GNAQ: variants seen among roughly 807,000 people sequenced by gnomAD.
GNAQ encodes the protein guanine nucleotide-binding protein G(q) subunit alpha.
Under a neutral mutation model 43.9 loss-of-function variants are expected in GNAQ, and 8 were observed. The observed-to-expected ratio is 0.18, with a 90% confidence interval of 0.11 to 0.33. The LOEUF is 0.33. GNAQ is among the 10% of genes least tolerant of loss of function. The probability of loss-of-function intolerance (pLI) is 1.00; values close to 1 mark genes in which losing one functional copy is unlikely to be tolerated. For missense variants in GNAQ, 158 were observed against 450.8 expected (o/e 0.35, Z 5.88); for synonymous variants, 155 against 170.7 (o/e 0.91, Z 0.71).
chr9:77,727,491 G>A (rs990000005), intron 6 of GNAQ, among the ~76,000 whole-genome samples: 86 of 152,124 alleles, frequency 5.7e-4, no homozygotes, highest in African/African-American at 2.0e-3. Flanking sequence ...CCTTTTCTAA[G>A]AACAAAGCAA....
chr9:77,998,406 T>G (rs879422864), intron 1 of GNAQ, among the ~76,000 whole-genome samples: 1 of 152,238 alleles, frequency 6.6e-6, no homozygotes, highest in Non-Finnish European at 1.5e-5. Context: ...CATTGCCTAA[T>G]GCTGAACAGC....
At chr9:77,879,045 C>CA (rs1374279838) in intron 2 of GNAQ, among the ~76,000 whole-genome samples, 1 of 148,720 alleles carries the variant, frequency 6.7e-6, no homozygotes, top group Non-Finnish European at 1.5e-5. Flanking sequence ...GACTGTGTCT[C>CA]AAAAAAACAA....
At chr9:77,779,146 C>T (rs1433673088) in intron 5 of GNAQ, among the ~76,000 whole-genome samples, 2 of 151,842 alleles carry the variant, frequency 1.3e-5, no homozygotes, top group Non-Finnish European at 2.9e-5. Context: ...ATAACAGTCA[C>T]CAAGACAGAC....
intron 1 of GNAQ, among the ~76,000 whole-genome samples, chr9:78,016,848 C>T (rs10870009): frequency 0.31 from 47,086 of 151,964 alleles, 7,573 homozygotes; most frequent in South Asian, 0.45. Context: ...AAAATGAATA[C>T]TGATTCAATA....
chr9:77,979,440 T>C (rs1223317092), intron 1 of GNAQ, among the ~76,000 whole-genome samples: 1 of 152,126 alleles, frequency 6.6e-6, no homozygotes, highest in Non-Finnish European at 1.5e-5. Context: ...TGGCCAATAT[T>C]TGTGTCCATG....
chr9:77,753,252 C>T (rs1333113444), intron 5 of GNAQ, among the ~76,000 whole-genome samples: 1 of 152,110 alleles, frequency 6.6e-6, no homozygotes, highest in Non-Finnish European at 1.5e-5. Context: ...GTGGTATACT[C>T]ATTCACAAAC....
Position 77,785,074 on chromosome 9 carries a change from C to A in GNAQ, c.735+9389G>T, listed in dbSNP as rs149642780. ...TGAGAAAGGTATGTCTATGCCCTAA[C>A]CCCAGAACTTGTGAATGCAATCTTA... On this transcript the variant is annotated intron_variant, in intron 5 of 6. Coordinates refer to ENST00000286548, the MANE Select transcript of GNAQ (RefSeq NM_002072.5). Among the ~76,000 whole-genome samples the A allele has an allele frequency of 6.0e-3, 920 of 152,276 alleles. 7 individuals carry two copies. The highest frequency in any genetic ancestry group is 0.021 in the African/African-American group (870 of 41,542).
intron 1 of GNAQ, among the ~76,000 whole-genome samples, chr9:77,941,214 C>A (rs960318101): frequency 1.3e-5 from 2 of 151,892 alleles, no homozygotes; most frequent in African/African-American, 4.8e-5. Context: ...ATACAAACAG[C>A]CACAAAGCTT....
intron 3 of GNAQ, among the ~76,000 whole-genome samples, chr9:77,808,477 C>A (rs952859761): frequency 2.0e-5 from 3 of 151,402 alleles, no homozygotes; most frequent in African/African-American, 4.9e-5. Flanking sequence ...TATTGACACT[C>A]TGAAGAAGAG....
intron 5 of GNAQ, among the ~76,000 whole-genome samples, chr9:77,783,764 A>G (rs1342128764): frequency 6.6e-6 from 1 of 152,212 alleles, no homozygotes; most frequent in Non-Finnish European, 1.5e-5. Flanking sequence ...TGACTTTAAA[A>G]AAGAATTATT....
chr9:77,882,955 T>G (rs1404591620), intron 2 of GNAQ, among the ~76,000 whole-genome samples: 3 of 152,198 alleles, frequency 2.0e-5, no homozygotes, highest in African/African-American at 7.2e-5. Flanking sequence ...CAAACACATA[T>G]ATCAAAGCCA....
At chr9:77,907,614 C>CA (rs774833419) in intron 2 of GNAQ, among the ~76,000 whole-genome samples, 4 of 151,930 alleles carry the variant, frequency 2.6e-5, no homozygotes, top group Admixed American at 6.5e-5. Flanking sequence ...TGTGGATTAA[C>CA]AAAAAACATA....
At chr9:78,016,168 CT>C (rs1823835736) in intron 1 of GNAQ, among the ~76,000 whole-genome samples, 1 of 152,098 alleles carries the variant, frequency 6.6e-6, no homozygotes, top group Non-Finnish European at 1.5e-5. Flanking sequence ...TTTTTGTGAC[CT>C]TGGATTTTTC....
chr9:77,906,328 A>C (rs547596170), intron 2 of GNAQ, among the ~76,000 whole-genome samples: 2 of 152,128 alleles, frequency 1.3e-5, no homozygotes, highest in Non-Finnish European at 2.9e-5. Flanking sequence ...GATTGGAAAG[A>C]CCTAAAACAC....
intron 1 of GNAQ, among the ~76,000 whole-genome samples, chr9:77,963,953 T>G (rs545748263): frequency 2.1e-4 from 32 of 152,328 alleles, no homozygotes; most frequent in Admixed American, 3.9e-4. Flanking sequence ...TAAAAAAGAC[T>G]GCCTTGACAT....
chr9:77,849,989 C>T (rs993219517), intron 2 of GNAQ, among the ~76,000 whole-genome samples: 4 of 152,140 alleles, frequency 2.6e-5, no homozygotes, highest in African/African-American at 7.2e-5. Context: ...TCTAAAACTA[C>T]GTTCTTCTGT....
intron 1 of GNAQ, among the ~76,000 whole-genome samples, chr9:77,957,608 A>G (rs1382500976): frequency 6.6e-6 from 1 of 152,130 alleles, no homozygotes; most frequent in African/African-American, 2.4e-5. Flanking sequence ...TCACAGAGGC[A>G]ATGGGATTTC....
intron 2 of GNAQ, 75 bp from the exon 3 acceptor site, chr9:77,815,845 A>G: frequency 1.1e-6 from 1 of 921,212 alleles, no homozygotes; most frequent in Non-Finnish European, 1.7e-6. Flanking sequence ...ATTACATTAT[A>G]TACAATTCAG....
chr9:77,768,641 G>C (rs1826171417), intron 5 of GNAQ, among the ~76,000 whole-genome samples: 2 of 152,128 alleles, frequency 1.3e-5, no homozygotes, highest in Non-Finnish European at 2.9e-5. Context: ...TATTTTGAGA[G>C]GTGTTTTCTG....
Sources: allele counts gnomAD v4.1 joint callset (sites outside exome capture counted in the v4.1 genomes callset), GRCh38; gene constraint gnomAD v4.1.1; transcripts MANE v1.5; gene names NCBI Gene and HGNC (gene_info 2026-07-23, HGNC 2026-07-21).